Variants in THEMIS observed in about 807,000 individuals in gnomAD.
The protein encoded by THEMIS is thymocyte selection associated.
THEMIS carries 37 observed loss-of-function variants against 52.6 expected under a neutral mutation model. The observed-to-expected ratio is 0.70, with a 90% CI of 0.54 to 0.93. THEMIS has a LOEUF of 0.93. Among genes scored for constraint, THEMIS ranks in the 40% least tolerant of loss-of-function variants. The probability of loss-of-function intolerance (pLI) is 0.00; values close to 1 mark genes in which losing one functional copy is unlikely to be tolerated. For missense variants in THEMIS, 808 were observed against 763.1 expected, an observed-to-expected ratio of 1.06 and a Z score of -0.69; for synonymous variants, 292 against 272.7, an observed-to-expected ratio of 1.07 and a Z score of -0.70.
At chr6:127,802,799 T>C (rs992367219) in intron 4 of THEMIS, among the ~76,000 whole-genome samples, 41 of 152,194 alleles carry the variant, frequency 2.7e-4, no homozygotes, top group African/African-American at 9.9e-4. Context: ...TCTCCCATCC[T>C]TCCCCAAGGA....
At chr6:127,878,265 A>G (rs1000316587) in intron 1 of THEMIS, among the ~76,000 whole-genome samples, 1 of 152,158 alleles carries the variant, frequency 6.6e-6, no homozygotes, top group Admixed American at 6.5e-5. Context: ...CCAGCTCAGC[A>G]GCTGATTCAA....
chr6:127,817,181 C>G (rs1300514133), intron 3 of THEMIS, among the ~76,000 whole-genome samples: 1 of 151,970 alleles, frequency 6.6e-6, no homozygotes, highest in Non-Finnish European at 1.5e-5. Context: ...TCATTGTTTT[C>G]TTCATCAATG....
chr6:127,859,520 A>G (rs1386052976), intron 1 of THEMIS, among the ~76,000 whole-genome samples: 3 of 152,070 alleles, frequency 2.0e-5, no homozygotes, highest in Non-Finnish European at 4.4e-5. Context: ...ATGATTAGTG[A>G]ATGTTGTTAT....
intron 1 of THEMIS, among the ~76,000 whole-genome samples, chr6:127,907,337 A>ATTTTGTTTTTTTTTTTTTT (rs1781297788): frequency 2.0e-5 from 1 of 49,448 alleles, no homozygotes; most frequent in African/African-American, 7.8e-5. Flanking sequence ...TTAGGCTCGG[A>ATTTTGTTTTTTTTTTTTTT]TTTTTTTTTT....
intron 1 of THEMIS, among the ~76,000 whole-genome samples, chr6:127,872,384 C>T (rs1240564936): frequency 6.6e-6 from 1 of 151,958 alleles, no homozygotes; most frequent in African/African-American, 2.4e-5. Flanking sequence ...CCAGCCTGGC[C>T]AATATGGTGA....
chr6:127,821,626 T>C (rs1040941911), intron 3 of THEMIS, among the ~76,000 whole-genome samples: 3 of 151,574 alleles, frequency 2.0e-5, no homozygotes, highest in Admixed American at 2.0e-4. Context: ...TCAGGGAAAG[T>C]CCCTTCACAG....
chr6:127,787,665 C>T (rs1776998168), intron 4 of THEMIS, among the ~76,000 whole-genome samples: 1 of 151,906 alleles, frequency 6.6e-6, no homozygotes, highest in South Asian at 2.1e-4. Flanking sequence ...TAAACGATAC[C>T]ATAAAATGAT....
intron 2 of THEMIS, among the ~76,000 whole-genome samples, chr6:127,837,181 A>G (rs1778899414): frequency 6.6e-6 from 1 of 152,114 alleles, no homozygotes; most frequent in Non-Finnish European, 1.5e-5. Context: ...AGAAAATGAT[A>G]GAAAACGATG....
intron 2 of THEMIS, among the ~76,000 whole-genome samples, chr6:127,848,418 A>G (rs1285337053): frequency 1.3e-5 from 2 of 152,006 alleles, no homozygotes; most frequent in Non-Finnish European, 2.9e-5. Context: ...AGCATGATTT[A>G]TAATCCTTTG....
chr6:127,913,802 C>T lies in THEMIS; in HGVS notation c.-150+4626G>A, dbSNP rs186667501. Among the ~76,000 whole-genome samples the T allele has an allele frequency of 7.9e-4, 121 of 152,284 alleles. 1 individual carries two copies. Among genetic ancestry groups the T allele is most frequent in the African/African-American group, 2.8e-3 (117 of 41,580 alleles). On this transcript the variant is annotated intron_variant, in intron 1 of 6. Coordinates refer to the THEMIS transcript ENST00000368250. ...ATGCATTAGAATTCAATCACAAGTA[C>T]TCTATTTTAGAATACCAGTATTGAT...
intron 4 of THEMIS, among the ~76,000 whole-genome samples, chr6:127,800,208 C>T (rs1292072355): frequency 6.6e-6 from 1 of 152,126 alleles, no homozygotes; most frequent in Non-Finnish European, 1.5e-5. Flanking sequence ...AGAATAGTGA[C>T]TGATTCATTG....
At chr6:127,740,032 G>A (rs1050691028) in intron 4 of THEMIS, among the ~76,000 whole-genome samples, 4 of 152,064 alleles carry the variant, frequency 2.6e-5, no homozygotes, top group African/African-American at 7.2e-5. Flanking sequence ...CTGTACCCAC[G>A]GGCATGTAAG....
chr6:127,875,686 C>T (rs1184288044), intron 1 of THEMIS, among the ~76,000 whole-genome samples: 1 of 152,102 alleles, frequency 6.6e-6, no homozygotes, highest in Non-Finnish European at 1.5e-5. Flanking sequence ...ACTTAAAGAG[C>T]CACATAGGAC....
intron 3 of THEMIS, among the ~76,000 whole-genome samples, chr6:127,827,772 T>C (rs1298754972): frequency 6.6e-6 from 1 of 152,190 alleles, no homozygotes; most frequent in African/African-American, 2.4e-5. Flanking sequence ...GTCTCTACTG[T>C]ATAAATTTCC....
chr6:127,857,686 G>T (rs1779664070), intron 1 of THEMIS, among the ~76,000 whole-genome samples: 1 of 151,976 alleles, frequency 6.6e-6, no homozygotes, highest in South Asian at 2.1e-4. Context: ...TCACCTGAGA[G>T]CTTGTTAGAA....
chr6:127,745,923 GT>G (rs1775373277), intron 4 of THEMIS, among the ~76,000 whole-genome samples: 1 of 151,812 alleles, frequency 6.6e-6, no homozygotes, highest in African/African-American at 2.4e-5. Flanking sequence ...AAAGGGAAAA[GT>G]TTTTAACTTA....
At chr6:127,772,198 G>GTTT (rs550034058) in intron 4 of THEMIS, among the ~76,000 whole-genome samples, 1 of 147,816 alleles carries the variant, frequency 6.8e-6, no homozygotes, top group African/African-American at 2.5e-5. Context: ...TGCACATATG[G>GTTT]TTTTTTTTTT....
intron 4 of THEMIS, among the ~76,000 whole-genome samples, chr6:127,795,151 T>C (rs2114537143): frequency 6.6e-6 from 1 of 152,288 alleles, no homozygotes; most frequent in Non-Finnish European, 1.5e-5. Flanking sequence ...TATAGATATG[T>C]CAGAAGTACA....
chr6:127,896,929 A>T (rs113119707), intron 1 of THEMIS, among the ~76,000 whole-genome samples: 2,238 of 151,624 alleles, frequency 0.015, 60 homozygotes, highest in African/African-American at 0.049. Context: ...TTGCATATCC[A>T]CATTATTTAA....
Sources: gnomAD v4.1 joint callset for allele counts (sites outside exome capture counted in the v4.1 genomes callset) on GRCh38, gnomAD v4.1.1 for gene constraint, MANE v1.5 for transcripts, NCBI Gene and HGNC (gene_info 2026-07-23, HGNC 2026-07-21) for gene names.